NDUFAF6: variants seen among roughly 807,000 people sequenced by gnomAD.
NDUFAF6 encodes NADH dehydrogenase (ubiquinone) complex I, assembly factor 6.
Under a neutral mutation model 40.8 loss-of-function variants are expected in NDUFAF6, and 45 were observed. That is an observed-to-expected ratio of 1.10 (90% CI 0.87 to 1.42). NDUFAF6 has a LOEUF of 1.42. NDUFAF6 is among the 40% of genes most tolerant of loss of function. The pLI, the probability that NDUFAF6 is intolerant of heterozygous loss-of-function variation, is 0.00. For missense variants in NDUFAF6, 435 were observed against 418.5 expected (o/e 1.04, Z -0.34); for synonymous variants, 185 against 155.9 (o/e 1.19, Z -1.39).
chr8:94,956,069 G>A (rs1272138426), upstream of NDUFAF6, among the ~76,000 whole-genome samples: 40 of 152,296 alleles, frequency 2.6e-4, no homozygotes, highest in Non-Finnish European at 2.1e-4. Context: ...TCAGACCTTA[G>A]TGCAAGCTGA....
At chr8:94,985,940 C>T (rs567589140) in intron 2 of NDUFAF6, among the ~76,000 whole-genome samples, 1 of 149,938 alleles carries the variant, frequency 6.7e-6, no homozygotes, top group East Asian at 2.0e-4. Context: ...GTGGCGTGAT[C>T]TCGGCTCACT....
intron 4 of NDUFAF6, among the ~76,000 whole-genome samples, chr8:95,042,359 A>T (rs1219322014): frequency 6.6e-6 from 1 of 152,238 alleles, no homozygotes; most frequent in Non-Finnish European, 1.5e-5. Context: ...TTATTTAGAT[A>T]GTTTGCTAAC....
downstream of NDUFAF6, among the ~76,000 whole-genome samples, chr8:95,076,879 A>AAG (rs1193857551): frequency 6.6e-6 from 1 of 151,782 alleles, no homozygotes. Context: ...GTCTCAAAAA[A>AAG]AAAAAAAAAA....
At chr8:95,011,148 T>C (rs1285894240) in intron 2 of NDUFAF6, among the ~76,000 whole-genome samples, 1 of 152,232 alleles carries the variant, frequency 6.6e-6, no homozygotes, top group Non-Finnish European at 1.5e-5. Flanking sequence ...CTGGGCTCCA[T>C]GTGTCGTGGG....
upstream of NDUFAF6, among the ~76,000 whole-genome samples, chr8:95,020,850 G>A (rs367644421): frequency 2.0e-4 from 30 of 152,304 alleles, no homozygotes; most frequent in South Asian, 2.7e-3. Flanking sequence ...GATCAAAACT[G>A]GGGGAACAAC....
At chr8:95,097,228 C>G (rs1025616818), upstream of NDUFAF6, among the ~76,000 whole-genome samples, 3 of 152,310 alleles carry the variant, frequency 2.0e-5, no homozygotes, top group East Asian at 5.8e-4. Context: ...ATGGTGTAGG[C>G]TTCATTCCTT....
At chr8:94,999,887 C>T (rs76826133) in intron 2 of NDUFAF6, among the ~76,000 whole-genome samples, 1,539 of 152,222 alleles carry the variant, frequency 0.01, 29 homozygotes, top group African/African-American at 0.035. Context: ...TGACCACTTT[C>T]TGAATTAGAA....
At chr8:95,054,911 TC>T (rs1484362923) in intron 8 of NDUFAF6, among the ~76,000 whole-genome samples, 1 of 152,242 alleles carries the variant, frequency 6.6e-6, no homozygotes, top group Non-Finnish European at 1.5e-5. Context: ...GTTTAAAAAC[TC>T]TTTGAATATG....
chr8:95,085,694 T>G (rs1447346219), intron 2 of NDUFAF6: 5 of 143,234 alleles, frequency 3.5e-5, no homozygotes, highest in Non-Finnish European at 7.6e-5. Flanking sequence ...TTTTAAGAGA[T>G]ATTTAAAAAA....
At chr8:94,931,921 A>T in intron 1 of NDUFAF6, 1 of 658,252 alleles carries the variant, frequency 1.5e-6, no homozygotes, top group Non-Finnish European at 2.4e-6. Flanking sequence ...GCTGTGAGCC[A>T]ATATCACACC....
intron 9 of NDUFAF6, among the ~76,000 whole-genome samples, chr8:95,071,362 C>T (rs998528671): frequency 8.2e-5 from 12 of 146,428 alleles, no homozygotes; most frequent in Non-Finnish European, 1.5e-5. Flanking sequence ...CTCACCACTG[C>T]ACTCCAGCCT....
intron 2 of NDUFAF6, among the ~76,000 whole-genome samples, chr8:95,089,462 G>GTATA (rs1554690721): frequency 6.6e-6 from 1 of 151,338 alleles, no homozygotes; most frequent in African/African-American, 2.4e-5. Flanking sequence ...TAAACTGTGT[G>GTATA]TATATATATA....
intron 2 of NDUFAF6, among the ~76,000 whole-genome samples, chr8:95,089,569 G>A (rs916148743): frequency 1.3e-5 from 2 of 152,126 alleles, no homozygotes; most frequent in Admixed American, 6.6e-5. Context: ...CAGAGTGGAT[G>A]GAAGCAGTAA....
intron 2 of NDUFAF6, among the ~76,000 whole-genome samples, chr8:94,989,658 C>G (rs916692650): frequency 6.6e-6 from 1 of 152,184 alleles, no homozygotes; most frequent in Admixed American, 6.5e-5. Context: ...CCCACAAATT[C>G]AGGTTCGTAT....
chr8:95,072,494 G>A (rs78343677), intron 9 of NDUFAF6, among the ~76,000 whole-genome samples: 3 of 152,350 alleles, frequency 2.0e-5, no homozygotes, highest in Non-Finnish European at 4.4e-5. Context: ...TGGGTAGGTA[G>A]AGAAGAGAGA....
chr8:95,009,069 A>G (rs1827122396), intron 2 of NDUFAF6, among the ~76,000 whole-genome samples: 1 of 151,996 alleles, frequency 6.6e-6, no homozygotes, highest in Non-Finnish European at 1.5e-5. Flanking sequence ...GCTTGGTGGC[A>G]CATGCCTGTA....
chr8:95,056,730 C>T (rs1832203245), intron 8 of NDUFAF6, among the ~76,000 whole-genome samples: 1 of 151,724 alleles, frequency 6.6e-6, no homozygotes, highest in Admixed American at 6.6e-5. Flanking sequence ...TGTGGTGAAA[C>T]CCTGTCTCTA....
At chr8:95,035,727 C>A (rs1209632148) in intron 3 of NDUFAF6, 151 bp downstream of exon 3, 3 of 777,904 alleles carry the variant, frequency 3.9e-6, no homozygotes, top group Non-Finnish European at 6.0e-6. Context: ...AGTTTTGGCA[C>A]AGAAATTTAA....
In NDUFAF6 at chr8:94,918,470, T is replaced by G. The variant is rs150900697; in HGVS notation, c.-936+22543T>G. Among the ~76,000 whole-genome samples the G allele has an allele frequency of 3.9e-5, 6 of 152,296 alleles. No homozygotes were observed. The East Asian group carries it at 1.2e-3, about 29-fold the overall frequency. ...GGTCAGCTCTTTAATTACTAATCCATTTTTCACCTTTGCAGACTTCTCTAG... is the reference window on the plus strand; with the variant it reads ...GGTCAGCTCTTTAATTACTAATCCAGTTTTCACCTTTGCAGACTTCTCTAG... On this transcript the variant is annotated intron_variant, in intron 1 of 14. Coordinates refer to the NDUFAF6 transcript ENST00000396113.
Sources: allele counts gnomAD v4.1 joint callset (sites outside exome capture counted in the v4.1 genomes callset), GRCh38; gene constraint gnomAD v4.1.1; transcripts MANE v1.5; gene names NCBI Gene and HGNC (gene_info 2026-07-23, HGNC 2026-07-21).